The following DOCK3 variants were observed in gnomAD, a reference collection of about 807,000 sequenced individuals.
The protein encoded by DOCK3 is dedicator of cytokinesis 3.
A neutral mutation model predicts 265.6 loss-of-function variants in DOCK3; 60 were observed. That is an observed-to-expected ratio of 0.23 (90% confidence interval 0.18 to 0.28). DOCK3 has a LOEUF of 0.28. Among genes scored for constraint, DOCK3 ranks in the 10% least tolerant of loss-of-function variants. The pLI is 1.00. For synonymous variants in DOCK3, 881 were observed against 938.0 expected, an observed-to-expected ratio of 0.94 and a Z score of 1.11; for missense variants, 1,981 against 2,594.3, an observed-to-expected ratio of 0.76 and a Z score of 5.14.
At chr3:51,213,772 G>T (rs926607957) in intron 13 of DOCK3, among the ~76,000 whole-genome samples, 3 of 152,082 alleles carry the variant, frequency 2.0e-5, no homozygotes, top group Non-Finnish European at 4.4e-5. Context: ...GATTTCTCTA[G>T]GTTCCTAAAT....
intron 5 of DOCK3, among the ~76,000 whole-genome samples, chr3:51,019,155 C>T (rs567595910): frequency 1.3e-5 from 2 of 151,824 alleles, no homozygotes; most frequent in Admixed American, 1.3e-4. Context: ...TCAGCCTTAC[C>T]CTTTATACCT....
At chr3:51,102,919 G>T (rs890532563) in intron 9 of DOCK3, among the ~76,000 whole-genome samples, 3 of 152,114 alleles carry the variant, frequency 2.0e-5, no homozygotes, top group African/African-American at 7.2e-5. Flanking sequence ...CTCCAAATAT[G>T]TTTCCCTCTG....
At chr3:51,228,880 T>C (rs755147415) in intron 18 of DOCK3, 48 bp downstream of exon 18, 2 of 1,592,700 alleles carry the variant, frequency 1.3e-6, no homozygotes, top group Admixed American at 3.4e-5. Context: ...TCCTCCATTG[T>C]TCACTCCACA....
At chr3:51,060,472 GC>G (rs1317286055) in intron 5 of DOCK3, among the ~76,000 whole-genome samples, 1 of 152,146 alleles carries the variant, frequency 6.6e-6, no homozygotes, top group Non-Finnish European at 1.5e-5. Flanking sequence ...CCTTGCCCAT[GC>G]CTGTGTCCTG....
In DOCK3 at chr3:51,039,428, G is replaced by T. The variant is rs2080394583; in HGVS notation, c.316-25020G>T. On this transcript the variant is annotated intron_variant, in intron 5 of 52. Coordinates refer to ENST00000266037, the MANE Select transcript of DOCK3 (RefSeq NM_004947.5). ...TTCCTCTGGGATATTACTGGGAGTG[G>T]AATTGCTGGATTGTAGGGTACATGC... is the stretch of plus-strand genomic sequence containing the variant. Among the ~76,000 whole-genome samples, 3 of 152,266 alleles carry T rather than the reference G, an allele frequency of 2.0e-5. No homozygotes were observed. In the South Asian group the frequency reaches 6.2e-4, roughly 32 times the overall value.
At chr3:51,278,180 G>A in intron 26 of DOCK3, 7 of 985,374 alleles carry the variant, frequency 7.1e-6, no homozygotes, top group Non-Finnish European at 8.4e-6. Context: ...CTACAAATTA[G>A]TTGCTTTTGT....
intron 2 of DOCK3, among the ~76,000 whole-genome samples, chr3:50,814,013 T>C (rs2043918216): frequency 1.3e-5 from 2 of 152,140 alleles, no homozygotes; most frequent in African/African-American, 4.8e-5. Flanking sequence ...GGGCACGGTT[T>C]CTTTTCTTAG....
At chr3:51,303,475 TGGA>T (rs1490305534) in intron 27 of DOCK3, among the ~76,000 whole-genome samples, 1 of 152,214 alleles carries the variant, frequency 6.6e-6, no homozygotes, top group East Asian at 1.9e-4. Flanking sequence ...TGCAATCATT[TGGA>T]GGAGAAGAGA....
At chr3:51,315,651 C>A (rs1259913023) in intron 32 of DOCK3, among the ~76,000 whole-genome samples, 1 of 152,140 alleles carries the variant, frequency 6.6e-6, no homozygotes, top group Non-Finnish European at 1.5e-5. Flanking sequence ...AGGAGATGGC[C>A]CCTGCCTTTA....
In DOCK3 at chr3:51,326,583, TTTGTTGTTGTTGTTG is replaced by T. The variant is rs148344271; in HGVS notation, c.3403-3516_3403-3502del. ...GCGTGAGCCCCCACGCCTGGCATGT[TTTGTTGTTGTTGTTG>T]TTGTTGTTGTTGTTGTTGTTGTTGT... On this transcript the variant is annotated intron_variant, in intron 32 of 52. Transcript: ENST00000266037. Among the ~76,000 whole-genome samples the T allele has an allele frequency of 3.8e-3, 530 of 140,108 alleles. 2 individuals are homozygous for T. The highest frequency in any genetic ancestry group is 0.011 in the Middle Eastern group (3 of 280). 91.9% of individuals were successfully genotyped at this position (140,108 alleles called of 152,430 possible).
intron 41 of DOCK3, among the ~76,000 whole-genome samples, chr3:51,355,342 C>T (rs1380944741): frequency 1.3e-5 from 2 of 152,190 alleles, no homozygotes; most frequent in Middle Eastern, 3.2e-3. Context: ...CAGCCAGGAG[C>T]AATCACTGTA....
chr3:51,311,958 A>G, intron 28 of DOCK3, 46 bp from the exon 29 acceptor site: 4 of 1,453,528 alleles, frequency 2.8e-6, no homozygotes, highest in South Asian at 1.3e-5. Context: ...ATCAGATGCC[A>G]TTGTTAGTCT....
intron 2 of DOCK3, among the ~76,000 whole-genome samples, chr3:50,798,020 A>G (rs1428567807): frequency 6.6e-6 from 1 of 152,246 alleles, no homozygotes; most frequent in Non-Finnish European, 1.5e-5. Context: ...GTAATGATGA[A>G]CAGAGAAAGA....
At chr3:51,292,013 A>G (rs1234052360) in intron 27 of DOCK3, among the ~76,000 whole-genome samples, 1 of 152,232 alleles carries the variant, frequency 6.6e-6, no homozygotes, top group Non-Finnish European at 1.5e-5. Context: ...ATCTCAATAA[A>G]TGCAGGCAAA....
intron 10 of DOCK3, among the ~76,000 whole-genome samples, chr3:51,152,301 G>A (rs1164144375): frequency 1.3e-5 from 2 of 151,946 alleles, no homozygotes; most frequent in African/African-American, 2.4e-5. Context: ...TGAAGCTTGT[G>A]CATGTGTCAT....
chr3:51,159,557 C>T (rs1201368852), intron 11 of DOCK3, among the ~76,000 whole-genome samples: 1 of 152,026 alleles, frequency 6.6e-6, no homozygotes, highest in Non-Finnish European at 1.5e-5. Context: ...TGTTTTTAGA[C>T]CCAAACTTTT....
intron 3 of DOCK3, among the ~76,000 whole-genome samples, chr3:50,871,223 T>C (rs2107583821): frequency 1.3e-5 from 2 of 152,202 alleles, no homozygotes; most frequent in East Asian, 3.9e-4. Context: ...TCTGCTTTTG[T>C]TTATCTGGGA....
chr3:51,255,500 A>G (rs1317299804), intron 22 of DOCK3, among the ~76,000 whole-genome samples: 1 of 152,230 alleles, frequency 6.6e-6, no homozygotes, highest in Admixed American at 6.5e-5. Context: ...ACTTTCAGGT[A>G]CACCAATCAA....
At chr3:50,729,911 T>C (rs2038087914) in intron 1 of DOCK3, among the ~76,000 whole-genome samples, 1 of 144,938 alleles carries the variant, frequency 6.9e-6, no homozygotes, top group African/African-American at 2.6e-5. Flanking sequence ...CTCTGCCCCC[T>C]GGGTTTAAGT....
Sources: gnomAD v4.1 joint callset for allele counts (sites outside exome capture counted in the v4.1 genomes callset) on GRCh38, gnomAD v4.1.1 for gene constraint, MANE v1.5 for transcripts, NCBI Gene and HGNC (gene_info 2026-07-23, HGNC 2026-07-21) for gene names.